Variants in CSMD1 observed in about 807,000 individuals in gnomAD.
CSMD1 encodes the protein CUB and Sushi multiple domains 1, also known as CUB and sushi domain-containing protein 1.
A neutral mutation model predicts 417.5 loss-of-function variants in CSMD1; 213 were observed. The observed-to-expected ratio is 0.51, with a 90% CI of 0.46 to 0.57. CSMD1 has a LOEUF of 0.57. Among genes scored for constraint, CSMD1 ranks in the 20% least tolerant of loss-of-function variants. The pLI, the probability that CSMD1 is intolerant of heterozygous loss-of-function variation, is 0.00. For missense variants in CSMD1, 6,923 were observed against 4,529.7 expected, an observed-to-expected ratio of 1.53 and a Z score of -15.17; for synonymous variants, 2,862 against 1,736.8, an observed-to-expected ratio of 1.65 and a Z score of -16.11.
At chr8:3,967,551 G>C (rs907788323) in intron 5 of CSMD1, among the ~76,000 whole-genome samples, 2 of 152,166 alleles carry the variant, frequency 1.3e-5, no homozygotes, top group Non-Finnish European at 2.9e-5. Flanking sequence ...AAGCATGAGT[G>C]AGTTCAGCAA....
At chr8:3,557,884 G>C (rs1417271005) in intron 10 of CSMD1, among the ~76,000 whole-genome samples, 3 of 152,136 alleles carry the variant, frequency 2.0e-5, no homozygotes, top group Non-Finnish European at 4.4e-5. Flanking sequence ...TTCAGCATTT[G>C]GATCAGATAA....
intron 3 of CSMD1, among the ~76,000 whole-genome samples, chr8:4,324,119 C>G (rs1035739941): frequency 1.3e-5 from 2 of 152,148 alleles, no homozygotes; most frequent in African/African-American, 4.8e-5. Flanking sequence ...CTAAAAATCT[C>G]CTGCCTTAAC....
At chr8:4,252,407 A>G (rs1224572891) in intron 3 of CSMD1, among the ~76,000 whole-genome samples, 1 of 152,242 alleles carries the variant, frequency 6.6e-6, no homozygotes, top group Non-Finnish European at 1.5e-5. Flanking sequence ...GATCAAAACA[A>G]AAACTGAGAC....
intron 1 of CSMD1, among the ~76,000 whole-genome samples, chr8:4,701,877 G>C (rs1807579965): frequency 6.6e-6 from 1 of 152,210 alleles, no homozygotes; most frequent in Non-Finnish European, 1.5e-5. Flanking sequence ...ATCAATGATA[G>C]ACTGGATAAA....
chr8:4,544,155 C>G (rs995421697), intron 2 of CSMD1, among the ~76,000 whole-genome samples: 1 of 152,012 alleles, frequency 6.6e-6, no homozygotes, highest in Non-Finnish European at 1.5e-5. Context: ...TTTCATGGAT[C>G]ACACCTTTGA....
chr8:4,180,366 G>C (rs964283238), intron 3 of CSMD1, among the ~76,000 whole-genome samples: 3 of 142,782 alleles, frequency 2.1e-5, no homozygotes, highest in African/African-American at 7.8e-5. Flanking sequence ...TCATACATGG[G>C]AATTGAAAAA....
chr8:3,512,185 A>G (rs1797102354), intron 10 of CSMD1, among the ~76,000 whole-genome samples: 2 of 152,210 alleles, frequency 1.3e-5, no homozygotes, highest in Non-Finnish European at 2.9e-5. Context: ...CTATCCTGGC[A>G]CAGATGAGTC....
At chr8:4,750,787 G>C (rs987927993) in intron 1 of CSMD1, among the ~76,000 whole-genome samples, 5 of 151,826 alleles carry the variant, frequency 3.3e-5, no homozygotes, top group African/African-American at 1.2e-4. Flanking sequence ...AGCATAAAAT[G>C]TTTCGTTGGT....
intron 6 of CSMD1, among the ~76,000 whole-genome samples, chr8:3,726,754 A>C (rs572813426): frequency 6.6e-6 from 1 of 152,158 alleles, no homozygotes; most frequent in Non-Finnish European, 1.5e-5. Flanking sequence ...TCCAGTTCTC[A>C]TTCCTGAGCC....
chr8:3,581,089 C>G (rs1800363593), intron 9 of CSMD1, among the ~76,000 whole-genome samples: 1 of 152,152 alleles, frequency 6.6e-6, no homozygotes, highest in Non-Finnish European at 1.5e-5. Flanking sequence ...AAAATATTAA[C>G]TCTACAGATC....
At chr8:4,025,516 A>T (rs1399562011) in intron 4 of CSMD1, among the ~76,000 whole-genome samples, 1 of 152,220 alleles carries the variant, frequency 6.6e-6, no homozygotes, top group Non-Finnish European at 1.5e-5. Context: ...TTTTCATTGA[A>T]ACTATCTAGC....
At chr8:3,955,509 G>C (rs895486912) in intron 5 of CSMD1, among the ~76,000 whole-genome samples, 1 of 152,190 alleles carries the variant, frequency 6.6e-6, no homozygotes. Flanking sequence ...GTTTGAAGCT[G>C]TCAGCCAACC....
chr8:4,805,173 C>T (rs1798518116), intron 1 of CSMD1, among the ~76,000 whole-genome samples: 2 of 152,128 alleles, frequency 1.3e-5, no homozygotes, highest in South Asian at 4.1e-4. Flanking sequence ...TGTCAGTTTA[C>T]TCGTTTGTAT....
intron 5 of CSMD1, among the ~76,000 whole-genome samples, chr8:3,898,001 G>A (rs562139907): frequency 6.6e-6 from 1 of 152,270 alleles, no homozygotes; most frequent in African/African-American, 2.4e-5. Flanking sequence ...GAGCTCCTAG[G>A]AGGTGCCCAG....
At chr8:4,640,881 G>C (rs1046376058) in intron 1 of CSMD1, among the ~76,000 whole-genome samples, 1 of 135,180 alleles carries the variant, frequency 7.4e-6, no homozygotes, top group Non-Finnish European at 1.6e-5. Context: ...AAAAAAAAAA[G>C]TCTAATGGTC....
intron 3 of CSMD1, among the ~76,000 whole-genome samples, chr8:4,276,288 G>T (rs1048977080): frequency 1.3e-5 from 2 of 152,166 alleles, no homozygotes; most frequent in Admixed American, 1.3e-4. Flanking sequence ...GGAATACTAT[G>T]CAGCCATAAA....
chr8:2,942,817 A>G (rs1801980631), intron 68 of CSMD1, among the ~76,000 whole-genome samples: 1 of 152,244 alleles, frequency 6.6e-6, no homozygotes, highest in Admixed American at 6.5e-5. Context: ...AATGGAGAAT[A>G]CTATGAAAGA....
intron 3 of CSMD1, among the ~76,000 whole-genome samples, chr8:4,371,427 GT>G (rs372792343): frequency 4.3e-4 from 66 of 152,266 alleles, no homozygotes; most frequent in African/African-American, 1.6e-3. Flanking sequence ...TAAGCATTAG[GT>G]TTTTAAGGAG....
At chr8:3,607,537 C>T (rs1237360612) in intron 8 of CSMD1, among the ~76,000 whole-genome samples, 10 of 152,096 alleles carry the variant, frequency 6.6e-5, no homozygotes, top group East Asian at 1.9e-4. Context: ...TCAAGACTGC[C>T]GCAAACATGT....
Sources: allele counts gnomAD v4.1 joint callset (sites outside exome capture counted in the v4.1 genomes callset), GRCh38; gene constraint gnomAD v4.1.1; transcripts MANE v1.5; gene names NCBI Gene and HGNC (gene_info 2026-07-23, HGNC 2026-07-21).